FAM184A: variants seen among roughly 807,000 people sequenced by gnomAD.
FAM184A encodes the protein family with sequence similarity 184 member A.
A neutral mutation model predicts 143.8 loss-of-function variants in FAM184A; 99 were observed. The ratio of observed to expected loss-of-function variants is 0.69; its 90% CI spans 0.58 to 0.81. FAM184A has a LOEUF of 0.81. Ranked by LOEUF, FAM184A falls within the 40% of genes least tolerant of loss-of-function variation. The pLI, the probability that FAM184A is intolerant of heterozygous loss-of-function variation, is 0.00. For synonymous variants in FAM184A, 427 were observed against 446.4 expected, an observed-to-expected ratio of 0.96 and a Z score of 0.55; for missense variants, 1,217 against 1,310.5, an observed-to-expected ratio of 0.93 and a Z score of 1.10.
At chr6:119,045,042 G>C (rs1786475646) in intron 1 of FAM184A, among the ~76,000 whole-genome samples, 1 of 152,180 alleles carries the variant, frequency 6.6e-6, no homozygotes, top group South Asian at 2.1e-4. Context: ...ACCTACGCTT[G>C]CTCTCAAAGC....
intron 1 of FAM184A, among the ~76,000 whole-genome samples, chr6:119,102,784 C>CAAAAAAAAAAAAAAAA (rs58686018): frequency 4.0e-3 from 120 of 30,070 alleles, no homozygotes; most frequent in East Asian, 9.4e-3. Flanking sequence ...GACTCCATCT[C>CAAAAAAAAAAAAAAAA]AAAAAAAAAA....
chr6:119,113,722 C>A (rs998879020), intron 1 of FAM184A, among the ~76,000 whole-genome samples: 3 of 152,162 alleles, frequency 2.0e-5, no homozygotes, highest in Non-Finnish European at 4.4e-5. Flanking sequence ...GAGTGGATCA[C>A]TTGAGTTCAG....
chr6:119,014,557 AC>A (rs1785180974), intron 5 of FAM184A, among the ~76,000 whole-genome samples: 2 of 152,236 alleles, frequency 1.3e-5, no homozygotes, highest in East Asian at 3.8e-4. Flanking sequence ...CATACTTTCA[AC>A]TAGTTGAGGC....
chr6:118,985,165 T>C (rs901562565), intron 9 of FAM184A, among the ~76,000 whole-genome samples: 3 of 152,226 alleles, frequency 2.0e-5, no homozygotes, highest in Non-Finnish European at 4.4e-5. Context: ...AATGTAGAGA[T>C]ATATCTGATA....
At chr6:119,002,432 TATACTC>T (rs754461260) in intron 9 of FAM184A, among the ~76,000 whole-genome samples, 1 of 152,206 alleles carries the variant, frequency 6.6e-6, no homozygotes, top group Non-Finnish European at 1.5e-5. Context: ...TTGTTTATGT[TATACTC>T]TAAGGGGCTT....
At chr6:119,000,566 A>G (rs969519289) in intron 9 of FAM184A, among the ~76,000 whole-genome samples, 2 of 152,244 alleles carry the variant, frequency 1.3e-5, no homozygotes, top group African/African-American at 4.8e-5. Flanking sequence ...TAGGCAGCCC[A>G]TGATGGCCGG....
Position 119,031,225 on chromosome 6 carries a change from T to C in FAM184A, c.160-6412A>G, listed in dbSNP as rs138066050. Among the ~76,000 whole-genome samples, 116 of 152,272 alleles carry C rather than the reference T, an allele frequency of 7.6e-4. 3 individuals are homozygous for C. In the East Asian group the frequency reaches 0.02, roughly 27 times the overall value. On this transcript the variant is annotated intron_variant, in intron 1 of 17. Transcript: ENST00000338891. ...TCATTTATGCCTGCTCTGGACCAAATTGCCTACCTCAAAAATTCTTATGTT... is the reference window on the plus strand; with the variant it reads ...TCATTTATGCCTGCTCTGGACCAAACTGCCTACCTCAAAAATTCTTATGTT...
intron 3 of FAM184A, 137 bp downstream of exon 3, chr6:119,022,808 C>G (rs1028063932): frequency 1.1e-6 from 1 of 938,708 alleles, no homozygotes; most frequent in Non-Finnish European, 1.6e-6. Context: ...ACCCAGGAGG[C>G]AGAGGTTGCA....
At chr6:119,046,969 A>C (rs1188032036) in intron 1 of FAM184A, among the ~76,000 whole-genome samples, 2 of 152,234 alleles carry the variant, frequency 1.3e-5, no homozygotes, top group African/African-American at 4.8e-5. Flanking sequence ...AAATATTTGC[A>C]AACTACCCAT....
In FAM184A at chr6:119,078,046, G is replaced by A. The variant is rs1467505252; in HGVS notation, c.159+95C>T. 2.9e-6 allele frequency: 4 copies of A among 1,401,482 alleles called. No homozygotes were observed. The highest frequency in any genetic ancestry group is 1.3e-5 in the South Asian group (1 of 74,274). The allele number at this position is 1,401,482 out of a possible 1,614,324, so 86.8% of individuals were successfully genotyped here. ...TCGGCGGAGGAGTAGAGTTCCCCTC[G>A]CTGCGGGCGCAGGGCGCACTGCCTC... On this transcript the variant is annotated intron_variant, in intron 1 of 17. Transcript: ENST00000338891. This position sits in a 1 kb window ranked among gnomAD's most constrained non-coding sequence, Gnocchi z 5.5.
chr6:119,044,365 T>C (rs982324683), intron 1 of FAM184A, among the ~76,000 whole-genome samples: 1 of 152,142 alleles, frequency 6.6e-6, no homozygotes, highest in African/African-American at 2.4e-5. Flanking sequence ...CAAGAATCAC[T>C]TGAGACCAGG....
intron 1 of FAM184A, among the ~76,000 whole-genome samples, chr6:119,037,005 T>C (rs556508840): frequency 2.6e-5 from 4 of 152,292 alleles, no homozygotes; most frequent in Non-Finnish European, 5.9e-5. Flanking sequence ...ATGATTTTTG[T>C]GGTTGGTGTG....
intron 1 of FAM184A, among the ~76,000 whole-genome samples, chr6:119,060,795 T>C (rs775341074): frequency 3.3e-5 from 5 of 152,150 alleles, no homozygotes; most frequent in African/African-American, 4.8e-5. Context: ...TTCTCTTTCT[T>C]CCTCCTGGCC....
chr6:119,069,846 T>C (rs1468245957), intron 1 of FAM184A, among the ~76,000 whole-genome samples: 3 of 152,296 alleles, frequency 2.0e-5, no homozygotes, highest in Admixed American at 6.5e-5. Flanking sequence ...TAATTTCGCA[T>C]AAATAGGAAT....
chr6:119,113,937 C>T (rs572529186), intron 1 of FAM184A, among the ~76,000 whole-genome samples: 2 of 152,044 alleles, frequency 1.3e-5, no homozygotes, highest in East Asian at 3.9e-4. Context: ...GAAACTATGT[C>T]TCAAAATAAA....
intron 1 of FAM184A, among the ~76,000 whole-genome samples, chr6:119,035,462 A>G (rs1400691932): frequency 1.3e-5 from 2 of 152,200 alleles, no homozygotes; most frequent in African/African-American, 4.8e-5. Flanking sequence ...AAGAAACTGA[A>G]GTATTTCACT....
chr6:118,988,954 A>AT (rs71556820), intron 9 of FAM184A, among the ~76,000 whole-genome samples: 39,623 of 111,956 alleles, frequency 0.35, 9,044 homozygotes, highest in East Asian at 0.67. Flanking sequence ...TCTGGACATG[A>AT]TTTTTTTTTT....
intron 1 of FAM184A, among the ~76,000 whole-genome samples, chr6:119,108,163 T>C (rs367866714): frequency 1.0e-4 from 9 of 88,504 alleles, no homozygotes; most frequent in Admixed American, 9.5e-5. Flanking sequence ...TGTGTAGGGT[T>C]CTTGTATGGT....
chr6:119,110,597 G>A (rs1050179756), intron 1 of FAM184A, among the ~76,000 whole-genome samples: 1 of 152,090 alleles, frequency 6.6e-6, no homozygotes, highest in Non-Finnish European at 1.5e-5. Flanking sequence ...GCCAGAGGCC[G>A]TTCCTCATGA....
Sources: allele counts gnomAD v4.1 joint callset (sites outside exome capture counted in the v4.1 genomes callset), GRCh38; gene constraint gnomAD v4.1.1; non-coding constraint Gnocchi (gnomAD v3.1); transcripts MANE v1.5; gene names NCBI Gene and HGNC (gene_info 2026-07-23, HGNC 2026-07-21).